The following ETNPPL variants were observed in gnomAD, a reference collection of about 807,000 sequenced individuals.
ETNPPL encodes the protein alanine--glyoxylate aminotransferase 2-like 1.
In ETNPPL, 30 loss-of-function variants were observed where a neutral mutation model predicts 55.5. The observed-to-expected ratio is 0.54, with a 90% confidence interval of 0.40 to 0.73. The LOEUF (loss-of-function observed/expected upper bound fraction) is 0.73, where lower values mean the gene tolerates loss of function less well. ETNPPL is among the 30% of genes least tolerant of loss of function. The pLI is 0.00. For missense variants in ETNPPL, 528 were observed against 607.9 expected, an observed-to-expected ratio of 0.87 and a Z score of 1.38; for synonymous variants, 202 against 207.2, an observed-to-expected ratio of 0.98 and a Z score of 0.21.
At chr4:108,759,366 ACT>A (rs1729392744) in intron 3 of ETNPPL, among the ~76,000 whole-genome samples, 1 of 135,220 alleles carries the variant, frequency 7.4e-6, no homozygotes. Context: ...ACACCACTGC[ACT>A]CCAGCCTGAG....
Position 108,747,960 on chromosome 4 carries a change from T to C in ETNPPL, c.1082+45A>G, listed in dbSNP as rs1036150835. 8.6e-6 allele frequency: 13 copies of C among 1,516,984 alleles called. No individual in the cohort carries two copies. In the African/African-American group the frequency reaches 1.5e-4, roughly 18 times the overall value. 94.0% of individuals were successfully genotyped at this position (1,516,984 alleles called of 1,614,324 possible). On this transcript the variant is annotated intron_variant, in intron 9 of 12. Transcript: ENST00000296486. ...GCCCAGCCTATAAACTATTATTATTTTGAAAAAAATGAGTAACTACATGAC... is the reference window on the plus strand; with the variant it reads ...GCCCAGCCTATAAACTATTATTATTCTGAAAAAAATGAGTAACTACATGAC...
chr4:108,749,556 A>AG (rs397880275), intron 7 of ETNPPL, 93 bp from the exon 8 acceptor site: 8 of 931,750 alleles, frequency 8.6e-6, no homozygotes, highest in Admixed American at 2.4e-5. Flanking sequence ...AAAAAAAAAA[A>AG]GTTGTTAACC....
chr4:108,746,003 C>G (rs892054386), intron 11 of ETNPPL, among the ~76,000 whole-genome samples: 1 of 151,518 alleles, frequency 6.6e-6, no homozygotes, highest in Non-Finnish European at 1.5e-5. Flanking sequence ...ACACTGTAGC[C>G]TATATAATTT....
At chr4:108,748,951 A>G (rs143055168) in intron 8 of ETNPPL, among the ~76,000 whole-genome samples, 1 of 152,290 alleles carries the variant, frequency 6.6e-6, no homozygotes, top group East Asian at 1.9e-4. Flanking sequence ...TGCATGTGGG[A>G]CTTAAAATCT....
At chr4:108,749,789 C>T (rs569942857) in intron 7 of ETNPPL, among the ~76,000 whole-genome samples, 1 of 152,138 alleles carries the variant, frequency 6.6e-6, no homozygotes, top group South Asian at 2.1e-4. Flanking sequence ...CTCCCTGTAA[C>T]CTCAAACTCC....
chr4:108,759,982 G>A lies in ETNPPL; in HGVS notation c.176-74C>T, dbSNP rs1447724526. The stretch of plus-strand genomic sequence containing the variant: ...GCCTGGGAATAAGAGGAATTATGAA[G>A]CAAGCAAGCAAGCAAACAAACAAAC... On this transcript the variant is annotated intron_variant, in intron 2 of 12. Transcript: ENST00000296486. 13 of 1,381,052 alleles carry A rather than the reference G, an allele frequency of 9.4e-6. No homozygotes were observed. In the Admixed American group the frequency reaches 2.2e-4, roughly 23 times the overall value. 85.5% of individuals were successfully genotyped at this position (1,381,052 alleles called of 1,614,324 possible).
In ETNPPL at chr4:108,763,035, C is replaced by G; in HGVS notation, c.-137G>C. ...CCTGGCGTTCTCTTGCCCGGGGCGT[C>G]GGAGGTCACCGGTGGCGTCAACTAG... On this transcript the variant is annotated 5_prime_UTR_variant, in exon 1 of 13. Transcript: ENST00000296486. 1 of 712,084 alleles carries G rather than the reference C, an allele frequency of 1.4e-6. No individual in the cohort carries two copies. The highest frequency in any genetic ancestry group is 2.4e-6 in the Non-Finnish European group (1 of 415,172). 44.1% of individuals were successfully genotyped at this position (712,084 alleles called of 1,614,324 possible). A position where few individuals can be genotyped will look rare whatever the true frequency, so the allele number is the denominator to read the frequency against.
chr4:108,756,809 G>A (rs572814476), intron 3 of ETNPPL, among the ~76,000 whole-genome samples: 48 of 152,210 alleles, frequency 3.2e-4, no homozygotes, highest in Middle Eastern at 3.4e-3. Flanking sequence ...CTGGGTAACA[G>A]ACTGAGACTC....
Position 108,749,292 on chromosome 4 carries a change from T to C in ETNPPL, c.873A>G (p.Thr291=), listed in dbSNP as rs368913511. The C allele has an allele frequency of 3.7e-5, 59 of 1,614,022 alleles. No individual in the cohort carries two copies. Among genetic ancestry groups the C allele is most frequent in the Non-Finnish European group, 4.8e-5 (57 of 1,180,026 alleles). ...TGAAGGCTTCTGCAATTTCTTTGGT[T>C]GTTACCACACATGCCACCGGGTGGC... is the stretch of plus-strand genomic sequence containing the variant. The part of the protein sequence containing the change: ...GNGHPVACVV[T]TKEIAEAFSS... The change falls in exon 8 of 13, where the codon ACA becomes ACG. Residue 291 remains threonine (T), a synonymous_variant. Transcript: ENST00000296486.
intron 2 of ETNPPL, 100 bp from the exon 3 acceptor site, chr4:108,760,008 A>G (rs1729432431): frequency 7.6e-7 from 1 of 1,321,558 alleles, no homozygotes; most frequent in South Asian, 1.3e-5. Flanking sequence ...ACAAACAAAC[A>G]AACAAAAGTT....
intron 4 of ETNPPL, among the ~76,000 whole-genome samples, chr4:108,755,996 G>A (rs1002156370): frequency 6.6e-6 from 1 of 152,222 alleles, no homozygotes; most frequent in Non-Finnish European, 1.5e-5. Flanking sequence ...AAAATTTGCT[G>A]TAAATTGTTA....
chr4:108,743,639 T>A, intron 12 of ETNPPL, 150 bp downstream of exon 12: 2 of 664,744 alleles, frequency 3.0e-6, no homozygotes, highest in Non-Finnish European at 5.5e-6. Flanking sequence ...AATTTAATTG[T>A]GCACTCAAAA....
In ETNPPL at chr4:108,748,142, T is replaced by C; in HGVS notation, c.945A>G (p.Val315=). The stretch of plus-strand genomic sequence containing the variant: ...GGACAGCCAAACCAACAGCACAAGA[T>C]ACTGGATTTCCTCCATACTGTAAAA... ...EYFNTYGGNP[V]SCAVGLAVLD... is the part of the protein sequence containing the mutation. Residue 315 remains valine (V), a synonymous_variant, in exon 9 of 13, where the codon GTA becomes GTG. Transcript: ENST00000296486. The C allele has an allele frequency of 6.3e-7, 1 of 1,593,244 alleles. No homozygotes were observed. The highest frequency in any genetic ancestry group is 8.5e-7 in the Non-Finnish European group (1 of 1,174,542).
At position 108,742,487 on chromosome 4, in the gene ETNPPL, T is replaced by A. The variant is rs370797603; in HGVS notation, c.1497A>T (p.Thr499=). 2 of 1,614,022 alleles carry A rather than the reference T, an allele frequency of 1.2e-6. No homozygotes were observed. The highest frequency in any genetic ancestry group is 1.7e-6 in the Non-Finnish European group (2 of 1,179,986). ...THSLLSKRLK[T] ...CTTGCTTTAAAATGCAAATCAGTCA[T>A]GTCTTGAGCCTCTTACTGAGCAGTG... Residue 499 remains threonine (T), a synonymous_variant, in exon 13 of 13, where the codon ACA becomes ACT. Transcript: ENST00000296486.
chr4:108,757,630 A>T (rs768555858), intron 3 of ETNPPL, among the ~76,000 whole-genome samples: 11 of 152,156 alleles, frequency 7.2e-5, no homozygotes, highest in Non-Finnish European at 1.5e-4. Context: ...GTAATTTTTT[A>T]AATTAAAAAA....
intron 3 of ETNPPL, 118 bp downstream of exon 3, chr4:108,759,631 A>C: frequency 9.6e-7 from 1 of 1,040,680 alleles, no homozygotes; most frequent in South Asian, 1.6e-5. Flanking sequence ...AGTGAATGGC[A>C]AGAAACTCAG....
At chr4:108,753,102 G>T in intron 5 of ETNPPL, 91 bp from the exon 6 acceptor site, 2 of 706,766 alleles carry the variant, frequency 2.8e-6, no homozygotes, top group Non-Finnish European at 4.9e-6. Context: ...ATGTTAGAAT[G>T]GTGATCATGT....
At chr4:108,758,421 A>C (rs958821278) in intron 3 of ETNPPL, among the ~76,000 whole-genome samples, 2 of 152,198 alleles carry the variant, frequency 1.3e-5, no homozygotes, top group African/African-American at 4.8e-5. Flanking sequence ...ATAATAGTCT[A>C]TAGAATGGAT....
At chr4:108,752,431 G>A (rs574131631) in intron 6 of ETNPPL, among the ~76,000 whole-genome samples, 5 of 152,240 alleles carry the variant, frequency 3.3e-5, no homozygotes, top group South Asian at 4.1e-4. Context: ...GGCCCACATC[G>A]GAAGAACATT....
Sources: allele counts gnomAD v4.1 joint callset (sites outside exome capture counted in the v4.1 genomes callset), GRCh38; gene constraint gnomAD v4.1.1; transcripts MANE v1.5; gene names NCBI Gene and HGNC (gene_info 2026-07-23, HGNC 2026-07-21).